NBEA: variants seen among roughly 807,000 people sequenced by gnomAD.
NBEA encodes the protein neurobeachin, also known as lysosomal-trafficking regulator 2.
NBEA carries 44 observed loss-of-function variants against 343.4 expected under a neutral mutation model. The observed-to-expected ratio is 0.13, with a 90% CI of 0.10 to 0.16. The LOEUF (loss-of-function observed/expected upper bound fraction) is 0.16. NBEA is among the 10% of genes least tolerant of loss of function. NBEA has a pLI of 1.00. For synonymous variants in NBEA, 1,175 were observed against 1,238.7 expected, an observed-to-expected ratio of 0.95 and a Z score of 1.08; for missense variants, 2,555 against 3,631.3, an observed-to-expected ratio of 0.70 and a Z score of 7.62.
chr13:34,963,967 C>G (rs2152493432), intron 1 of NBEA, among the ~76,000 whole-genome samples: 1 of 151,964 alleles, frequency 6.6e-6, no homozygotes, highest in African/African-American at 2.4e-5. Context: ...ATGCTTTACC[C>G]TATGACTTTG....
At chr13:35,641,217 G>A (rs777599044) in intron 49 of NBEA, among the ~76,000 whole-genome samples, 2 of 151,710 alleles carry the variant, frequency 1.3e-5, no homozygotes, top group Non-Finnish European at 2.9e-5. Context: ...TTACATTTTG[G>A]GTTCACAAAT....
At chr13:35,308,450 A>ATATATATATATATATATG (rs2037062016) in intron 35 of NBEA, among the ~76,000 whole-genome samples, 9 of 115,430 alleles carry the variant, frequency 7.8e-5, no homozygotes, top group Non-Finnish European at 1.2e-4. Context: ...ATATATATAT[A>ATATATATATATATATATG]TATATATATA....
chr13:34,967,782 T>G (rs2059871840), intron 1 of NBEA, among the ~76,000 whole-genome samples: 1 of 152,094 alleles, frequency 6.6e-6, no homozygotes, highest in African/African-American at 2.4e-5. Context: ...TACATCATTT[T>G]TCAACACCAA....
intron 45 of NBEA, among the ~76,000 whole-genome samples, chr13:35,582,471 A>C (rs1286004457): frequency 6.6e-6 from 1 of 152,118 alleles, no homozygotes; most frequent in African/African-American, 2.4e-5. Context: ...ATCTATCTAA[A>C]GAGATTTGAG....
At chr13:35,411,240 G>A (rs911352178) in intron 38 of NBEA, among the ~76,000 whole-genome samples, 1 of 152,244 alleles carries the variant, frequency 6.6e-6, no homozygotes, top group East Asian at 1.9e-4. Flanking sequence ...GCCAATATGG[G>A]TGCATTGATT....
chr13:35,151,860 T>A (rs2068811513), intron 18 of NBEA, among the ~76,000 whole-genome samples: 1 of 152,148 alleles, frequency 6.6e-6, no homozygotes, highest in Non-Finnish European at 1.5e-5. Flanking sequence ...GCTTTGTTAC[T>A]CCATCTCTAA....
chr13:35,123,532 C>T lies in NBEA; in HGVS notation c.2294C>T (p.Ala765Val). The T allele has an allele frequency of 1.3e-6, 2 of 1,543,208 alleles. No individual in the cohort carries two copies. Among genetic ancestry groups the T allele is most frequent in the Non-Finnish European group, 1.8e-6 (2 of 1,139,750 alleles). ...ASKSESIWVQ[A>V]LKVLGYFLKH... ...AAAAGTGAAAGTATTTGGGTTCAAG[C>T]TTTGAAGGTTCTGGGATACTTTCTG... The change falls in exon 17 of 59, where the codon GCT (alanine) becomes GTT (valine). Residue 765 changes from alanine (A) to valine (V), a missense_variant. This residue lies in a region of NBEA where 360 missense variants were observed against 519.1 expected (regional missense o/e 0.69). Transcript: ENST00000379939.
chr13:35,212,139 G>A lies in NBEA; in HGVS notation c.5648+960G>A, dbSNP rs538787324. Among the ~76,000 whole-genome samples, 413 of 152,130 alleles carry A rather than the reference G, an allele frequency of 2.7e-3. 3 individuals are homozygous for A. Among genetic ancestry groups the A allele is most frequent in the African/African-American group, 9.3e-3 (387 of 41,528 alleles). The stretch of plus-strand genomic sequence containing the variant: ...AGTCAACAAATAGACTGTACACCAG[G>A]AACGCCTACTTTGCACTTTTTTCCC... On this transcript the variant is annotated intron_variant, in intron 33 of 58. Coordinates refer to ENST00000379939, the MANE Select transcript of NBEA (RefSeq NM_001385012.1).
At chr13:35,084,093 A>G (rs1362254754) in intron 10 of NBEA, among the ~76,000 whole-genome samples, 1 of 152,188 alleles carries the variant, frequency 6.6e-6, no homozygotes, top group African/African-American at 2.4e-5. Context: ...TTAGAGACCT[A>G]GAAAGAGACT....
chr13:34,986,016 T>A (rs1314263656), intron 1 of NBEA, among the ~76,000 whole-genome samples: 1 of 150,848 alleles, frequency 6.6e-6, no homozygotes, highest in Non-Finnish European at 1.5e-5. Flanking sequence ...TTGAAGGGTT[T>A]TTTTGTGTCT....
intron 41 of NBEA, among the ~76,000 whole-genome samples, chr13:35,500,411 C>T (rs755168280): frequency 3.3e-5 from 5 of 152,098 alleles, no homozygotes; most frequent in Non-Finnish European, 5.9e-5. Context: ...TGTCATCCAC[C>T]GTGTGGTGTG....
At chr13:35,628,845 G>A (rs1426728147) in intron 49 of NBEA, among the ~76,000 whole-genome samples, 1 of 152,164 alleles carries the variant, frequency 6.6e-6, no homozygotes, top group Non-Finnish European at 1.5e-5. Context: ...TTGAACCCAG[G>A]AGGCAGAGGT....
chr13:35,045,080 A>G (rs1227361009), intron 3 of NBEA, 33 bp downstream of exon 3: 1 of 1,542,742 alleles, frequency 6.5e-7, no homozygotes, highest in Non-Finnish European at 8.9e-7. Flanking sequence ...GGTATTCAGT[A>G]TCAGTCCATT....
intron 1 of NBEA, among the ~76,000 whole-genome samples, chr13:35,010,631 C>G (rs2061452626): frequency 6.8e-6 from 1 of 146,190 alleles, no homozygotes; most frequent in East Asian, 2.0e-4. Flanking sequence ...GCCTGTAATC[C>G]CAGCAGCTTG....
intron 33 of NBEA, among the ~76,000 whole-genome samples, chr13:35,224,189 C>T (rs2074530371): frequency 6.6e-5 from 10 of 152,162 alleles, no homozygotes; most frequent in Admixed American, 6.5e-4. Context: ...CACATGTAGA[C>T]TGAACCTACC....
chr13:35,102,492 A>G (rs2065694878), intron 11 of NBEA, among the ~76,000 whole-genome samples: 1 of 151,662 alleles, frequency 6.6e-6, no homozygotes, highest in Non-Finnish European at 1.5e-5. Flanking sequence ...TCTTTCCTAT[A>G]TTGAATCTTT....
At chr13:34,956,530 A>T (rs1460008056) in intron 1 of NBEA, among the ~76,000 whole-genome samples, 1 of 151,994 alleles carries the variant, frequency 6.6e-6, no homozygotes, top group Non-Finnish European at 1.5e-5. Context: ...TTTTGTTTTC[A>T]ATTGACACAT....
At chr13:35,542,682 A>C (rs2078887897) in intron 41 of NBEA, among the ~76,000 whole-genome samples, 1 of 152,112 alleles carries the variant, frequency 6.6e-6, no homozygotes. Flanking sequence ...ACATGTTTAA[A>C]TTAACAGTTA....
intron 38 of NBEA, among the ~76,000 whole-genome samples, chr13:35,414,562 A>G (rs1477947513): frequency 6.6e-6 from 1 of 152,042 alleles, no homozygotes; most frequent in Admixed American, 6.6e-5. Context: ...ACATGAACTC[A>G]TCCTTTTCTA....
Sources: gnomAD v4.1 joint callset for allele counts (sites outside exome capture counted in the v4.1 genomes callset) on GRCh38, gnomAD v4.1.1 for gene constraint, gnomAD v4.1.1 regional missense constraint, MANE v1.5 for transcripts, NCBI Gene and HGNC (gene_info 2026-07-23, HGNC 2026-07-21) for gene names.